The following UBE2W variants were observed in gnomAD, a reference collection of about 807,000 sequenced individuals.
UBE2W encodes ubiquitin-conjugating enzyme E2 W.
Under a neutral mutation model 27.2 loss-of-function variants are expected in UBE2W, and 18 were observed. The ratio of observed to expected loss-of-function variants is 0.66; its 90% confidence interval spans 0.46 to 0.98. The LOEUF (loss-of-function observed/expected upper bound fraction) is 0.98. Ranked by LOEUF, UBE2W falls within the 50% of genes least tolerant of loss-of-function variation. UBE2W has a pLI of 0.00. For synonymous variants in UBE2W, 53 were observed against 57.2 expected (o/e 0.93, Z 0.33); for missense variants, 90 against 180.2 (o/e 0.50, Z 2.87).
intron 3 of UBE2W, among the ~76,000 whole-genome samples, chr8:73,822,899 G>C (rs1809686204): frequency 6.6e-6 from 1 of 152,274 alleles, no homozygotes; most frequent in Middle Eastern, 3.4e-3. Context: ...GAGAAAAACT[G>C]AGCACAAAAA....
At chr8:73,802,288 A>C (rs1360293016) in intron 5 of UBE2W, among the ~76,000 whole-genome samples, 1 of 152,234 alleles carries the variant, frequency 6.6e-6, no homozygotes, top group Non-Finnish European at 1.5e-5. Context: ...CATTTGTTTT[A>C]TAAAACTCTG....
At chr8:73,811,951 T>TCA (rs1809169785) in intron 3 of UBE2W, among the ~76,000 whole-genome samples, 1 of 152,086 alleles carries the variant, frequency 6.6e-6, no homozygotes, top group Admixed American at 6.6e-5. Context: ...AAGCTAAGTT[T>TCA]TATATATATT....
intron 1 of UBE2W, among the ~76,000 whole-genome samples, chr8:73,867,251 C>G (rs1811815703): frequency 6.6e-6 from 1 of 150,794 alleles, no homozygotes; most frequent in Non-Finnish European, 1.5e-5. Context: ...AATATAAAAA[C>G]TAGGGCTGGG....
At chr8:73,859,283 A>AC (rs1811444666) in intron 1 of UBE2W, among the ~76,000 whole-genome samples, 1 of 152,110 alleles carries the variant, frequency 6.6e-6, no homozygotes, top group Non-Finnish European at 1.5e-5. Flanking sequence ...AGGCAGGGGG[A>AC]CCACTTGAAG....
chr8:73,814,114 T>C (rs1197425984), intron 3 of UBE2W, among the ~76,000 whole-genome samples: 3 of 152,240 alleles, frequency 2.0e-5, no homozygotes, highest in African/African-American at 7.2e-5. Flanking sequence ...TTCAACTGCA[T>C]ACTGTTAGCC....
At chr8:73,876,825 G>A (rs1235515518) in intron 1 of UBE2W, among the ~76,000 whole-genome samples, 3 of 152,082 alleles carry the variant, frequency 2.0e-5, no homozygotes, top group African/African-American at 7.2e-5. Flanking sequence ...AAATTAGCTG[G>A]GCGTGGTGGT....
At position 73,793,892 on chromosome 8, in the gene UBE2W, T is replaced by C. The variant is rs1018198633; in HGVS notation, c.*210A>G. 7.1e-7 allele frequency: 1 copy of C among 1,399,554 alleles called. No homozygotes were observed. 86.7% of individuals were successfully genotyped at this position (1,399,554 alleles called of 1,614,324 possible). A position where few individuals can be genotyped will look rare whatever the true frequency, so the allele number is the denominator to read the frequency against. ...TTTCCTGACACCTGCATTAATACTG[T>C]ATGACTAATAAAAGCATGTCAGTTG... On this transcript the variant is annotated 3_prime_UTR_variant, in exon 6 of 6. Coordinates refer to ENST00000602593, the MANE Select transcript of UBE2W (RefSeq NM_018299.6).
intron 1 of UBE2W, among the ~76,000 whole-genome samples, chr8:73,847,139 A>T (rs1810843170): frequency 6.6e-6 from 1 of 152,238 alleles, no homozygotes; most frequent in African/African-American, 2.4e-5. Flanking sequence ...ACCGCATTCC[A>T]GCCTGGGCGA....
In UBE2W at chr8:73,806,611, C is replaced by G. The variant is rs566575739; in HGVS notation, c.367-885G>C. 1.7e-3 allele frequency among the ~76,000 whole-genome samples: 255 copies of G among 151,188 alleles called. 1 individual carries two copies. Among genetic ancestry groups the G allele is most frequent in the Non-Finnish European group, 1.9e-3 (131 of 67,920 alleles). ...CTGTAGTCCCAGCTAACTCAGGAGG[C>G]TGAGGCAGGAGAATGGCGTGAGACT... is the stretch of plus-strand genomic sequence containing the variant. On this transcript the variant is annotated intron_variant, in intron 4 of 5. Coordinates refer to ENST00000602593, the MANE Select transcript of UBE2W (RefSeq NM_018299.6).
chr8:73,813,028 T>C (rs532426494), intron 3 of UBE2W, among the ~76,000 whole-genome samples: 28 of 113,692 alleles, frequency 2.5e-4, no homozygotes, highest in Admixed American at 3.8e-4. Flanking sequence ...AAAGATATTT[T>C]TCCCAGTAAG....
rs990820239 is a variant in UBE2W at position 73,833,572 on chromosome 8, G to A, written c.16-3100C>T. Among the ~76,000 whole-genome samples, 10 of 151,940 alleles carry A rather than the reference G, an allele frequency of 6.6e-5. No homozygotes were observed. In the South Asian group the frequency reaches 1.4e-3, roughly 22 times the overall value. On this transcript the variant is annotated intron_variant, in intron 1 of 5. Coordinates refer to ENST00000602593, the MANE Select transcript of UBE2W (RefSeq NM_018299.6). The stretch of plus-strand genomic sequence containing the variant: ...CCTAAAATGGCTACGTATTTTGCAC[G>A]CTTATTTGTACAGCTTTTATTGTAC...
intron 1 of UBE2W, among the ~76,000 whole-genome samples, chr8:73,870,699 C>G (rs565797621): frequency 6.6e-6 from 1 of 150,776 alleles, no homozygotes; most frequent in African/African-American, 2.4e-5. Context: ...AATACATAGC[C>G]AAAGGTATGA....
At chr8:73,846,118 T>C (rs1223127064) in intron 1 of UBE2W, among the ~76,000 whole-genome samples, 2 of 152,224 alleles carry the variant, frequency 1.3e-5, no homozygotes, top group Non-Finnish European at 2.9e-5. Context: ...ATGGGCACAG[T>C]GGCTCACACC....
chr8:73,815,961 A>G (rs1419121345), intron 3 of UBE2W, among the ~76,000 whole-genome samples: 1 of 152,204 alleles, frequency 6.6e-6, no homozygotes, highest in Non-Finnish European at 1.5e-5. Flanking sequence ...AATGGAAACT[A>G]AATCAGATAT....
At chr8:73,794,208 CAAG>C (rs1456989468) in intron 5 of UBE2W, 93 bp from the exon 6 acceptor site, 15 of 1,457,670 alleles carry the variant, frequency 1.0e-5, no homozygotes, top group African/African-American at 1.4e-5. Flanking sequence ...TTTCAATTAG[CAAG>C]AAGTACATAG....
intron 1 of UBE2W, among the ~76,000 whole-genome samples, chr8:73,838,509 G>A (rs940218692): frequency 2.0e-5 from 3 of 152,140 alleles, no homozygotes; most frequent in African/African-American, 7.2e-5. Flanking sequence ...GGAGGCCAAG[G>A]CAGGAGAATT....
intron 1 of UBE2W, among the ~76,000 whole-genome samples, chr8:73,853,325 G>A (rs1338568151): frequency 1.3e-5 from 2 of 152,212 alleles, no homozygotes; most frequent in African/African-American, 4.8e-5. Context: ...CAAAGTCTTA[G>A]TTGCCCAGGA....
At chr8:73,872,503 C>A (rs1563639869) in intron 1 of UBE2W, among the ~76,000 whole-genome samples, 1 of 152,244 alleles carries the variant, frequency 6.6e-6, no homozygotes, top group East Asian at 1.9e-4. Flanking sequence ...AAAAGGAAGT[C>A]AACTAACCTA....
intron 1 of UBE2W, among the ~76,000 whole-genome samples, chr8:73,837,696 T>G (rs955619484): frequency 1.3e-5 from 2 of 152,162 alleles, no homozygotes; most frequent in Non-Finnish European, 2.9e-5. Flanking sequence ...CACCCCAGCC[T>G]CCCAAAGTGC....
Sources: allele counts gnomAD v4.1 joint callset (sites outside exome capture counted in the v4.1 genomes callset), GRCh38; gene constraint gnomAD v4.1.1; transcripts MANE v1.5; gene names NCBI Gene and HGNC (gene_info 2026-07-23, HGNC 2026-07-21).